FHOD3: variants seen among roughly 807,000 people sequenced by gnomAD.
The protein encoded by FHOD3 is formin homology 2 domain containing 3, also known as FH1/FH2 domain-containing protein 3.
In FHOD3, 90 loss-of-function variants were observed where a neutral mutation model predicts 173.0. The ratio of observed to expected loss-of-function variants is 0.52; its 90% CI spans 0.44 to 0.62. The LOEUF (loss-of-function observed/expected upper bound fraction) is 0.62, where lower values mean the gene tolerates loss of function less well. Ranked by LOEUF, FHOD3 falls within the 20% of genes least tolerant of loss-of-function variation. FHOD3 has a pLI of 0.00. For missense variants in FHOD3, 1,945 were observed against 2,034.7 expected, an observed-to-expected ratio of 0.96 and a Z score of 0.85; for synonymous variants, 828 against 823.0, an observed-to-expected ratio of 1.01 and a Z score of -0.10.
At position 36,464,438 on chromosome 18, in the gene FHOD3, G is replaced by A. The variant is rs578202037; in HGVS notation, c.338-37494G>A. Among the ~76,000 whole-genome samples, 236 of 152,258 alleles carry A rather than the reference G, an allele frequency of 1.5e-3. 2 individuals are homozygous for A. The highest frequency in any genetic ancestry group is 5.3e-3 in the African/African-American group (222 of 41,534). ...CTAAGGCTTGGTATGCTTTGTACTG[G>A]GTGATGCTGCCATACAGCTTGGACT... On this transcript the variant is annotated intron_variant, in intron 3 of 28. Coordinates refer to ENST00000590592, the MANE Select transcript of FHOD3 (RefSeq NM_001281740.3).
Position 36,649,406 on chromosome 18 carries a change from G to A in FHOD3, c.1286+1G>A. On this transcript the variant is annotated splice_donor_variant, in intron 11 of 28. Coordinates refer to ENST00000590592, the MANE Select transcript of FHOD3 (RefSeq NM_001281740.3). LOFTEE classifies it high-confidence loss of function. ...ATGCTTCCTGTCAGGGCAAGGACAG[G>A]TACCTAGGACTGGAGCCTCCCAAGC... 1.3e-6 allele frequency: 2 copies of A among 1,534,974 alleles called. No homozygotes were observed. Among genetic ancestry groups the A allele is most frequent in the Non-Finnish European group, 1.7e-6 (2 of 1,146,230 alleles).
chr18:36,399,411 T>G (rs1360181104), intron 3 of FHOD3, among the ~76,000 whole-genome samples: 3 of 152,246 alleles, frequency 2.0e-5, no homozygotes, highest in African/African-American at 7.2e-5. Context: ...AGTTTTCTGA[T>G]GTGGATTAAT....
In FHOD3 at chr18:36,318,402, T is replaced by C. The variant is rs1380589808; in HGVS notation, c.165+20402T>C. Among the ~76,000 whole-genome samples the C allele has an allele frequency of 1.1e-4, 16 of 152,354 alleles. No individual in the cohort carries two copies. The East Asian group carries it at 3.1e-3, about 29-fold the overall frequency. ...TTGTTTGTGTACTCTTTTATTTCAT[T>C]GAGCAGTGGTTTGTACTCCTCCTTG... On this transcript the variant is annotated intron_variant, in intron 1 of 28. Transcript: ENST00000590592.
intron 5 of FHOD3, among the ~76,000 whole-genome samples, chr18:36,527,221 G>A (rs1279628878): frequency 6.6e-6 from 1 of 152,174 alleles, no homozygotes; most frequent in Non-Finnish European, 1.5e-5. Flanking sequence ...TGCTGTTGTA[G>A]TACTGCTCTT....
intron 3 of FHOD3, among the ~76,000 whole-genome samples, chr18:36,394,883 A>G (rs938365371): frequency 6.6e-6 from 1 of 152,248 alleles, no homozygotes; most frequent in East Asian, 1.9e-4. Flanking sequence ...TGTTGTATAC[A>G]TGTATATTTA....
rs1301826578 is a variant in FHOD3 at position 36,414,427 on chromosome 18, T to A, written c.337+41683T>A. On this transcript the variant is annotated intron_variant, in intron 3 of 28. Transcript: ENST00000590592. ...GCATAAAGGACACGTAAGGGTGGAG[T>A]GTGCATTTCCATCCATTATTACATT... Among the ~76,000 whole-genome samples, 3 of 152,082 alleles carry A rather than the reference T, an allele frequency of 2.0e-5. No homozygotes were observed. In the East Asian group the frequency reaches 5.8e-4, roughly 29 times the overall value.
At position 36,561,721 on chromosome 18, in the gene FHOD3, C is replaced by T. The variant is rs1599664053; in HGVS notation, c.512-14730C>T. 2.6e-5 allele frequency among the ~76,000 whole-genome samples: 4 copies of T among 152,266 alleles called. No individual in the cohort carries two copies. The South Asian group carries it at 8.3e-4, about 32-fold the overall frequency. On this transcript the variant is annotated intron_variant, in intron 5 of 28. Transcript: ENST00000590592. ...CATTAGGAACTAGCTCCTCAATCTT[C>T]CTTACCCCCACTCCATCTTTTTTCT...
chr18:36,509,543 TAAG>T (rs2055515557), intron 4 of FHOD3, among the ~76,000 whole-genome samples: 1 of 152,220 alleles, frequency 6.6e-6, no homozygotes, highest in Non-Finnish European at 1.5e-5. Context: ...TGCATATTTT[TAAG>T]AAGAGTTCCT....
intron 6 of FHOD3, among the ~76,000 whole-genome samples, chr18:36,589,065 CTTTAT>C (rs1011563916): frequency 6.6e-6 from 1 of 152,120 alleles, no homozygotes; most frequent in Non-Finnish European, 1.5e-5. Flanking sequence ...GGCTTTTAGC[CTTTAT>C]TTTGAGAGTG....
chr18:36,694,892 T>G (rs561675591), intron 17 of FHOD3, among the ~76,000 whole-genome samples: 1 of 152,276 alleles, frequency 6.6e-6, no homozygotes, highest in South Asian at 2.1e-4. Flanking sequence ...GAATTACAGT[T>G]TAACTCGAGA....
Position 36,769,301 on chromosome 18 carries a change from C to T in FHOD3, c.4661C>T (p.Ser1554Leu), listed in dbSNP as rs187008252. The T allele has an allele frequency of 1.2e-5, 19 of 1,614,180 alleles. No individual in the cohort carries two copies. The highest frequency in any genetic ancestry group is 8.0e-5 in the African/African-American group (6 of 75,050). ...TSSWTMGTDD[S>L]PNVTDDAADE... ...TCCTGGACTATGGGAACTGATGACT[C>T]GCCCAATGTCACAGATGATGCAGCT... The change falls in exon 28 of 29, where the codon TCG becomes TTG. Residue 1554 changes from serine (S) to leucine (L), a missense_variant. Transcript: ENST00000590592.
intron 3 of FHOD3, among the ~76,000 whole-genome samples, chr18:36,493,517 G>C (rs1002800223): frequency 1.3e-5 from 2 of 152,254 alleles, no homozygotes; most frequent in South Asian, 2.1e-4. Flanking sequence ...CTTGGGTTGC[G>C]TGCTTCCTGG....
At chr18:36,746,172 G>A (rs902080499) in intron 23 of FHOD3, among the ~76,000 whole-genome samples, 2 of 152,032 alleles carry the variant, frequency 1.3e-5, no homozygotes, top group Non-Finnish European at 2.9e-5. Flanking sequence ...CTGTCTGCAC[G>A]TCCCTGAATA....
intron 4 of FHOD3, among the ~76,000 whole-genome samples, chr18:36,511,273 C>T (rs2055625401): frequency 6.6e-6 from 1 of 151,576 alleles, no homozygotes; most frequent in African/African-American, 2.4e-5. Flanking sequence ...TTGAGGAAAA[C>T]AATGGTGGAA....
chr18:36,455,020 G>C (rs992478306), intron 3 of FHOD3, among the ~76,000 whole-genome samples: 2 of 152,132 alleles, frequency 1.3e-5, no homozygotes, highest in East Asian at 1.9e-4. Flanking sequence ...GCTAATATGA[G>C]GTTGACTCTT....
rs377247586 is a variant in FHOD3, at chr18:36,346,770, T to C, written c.166-8769T>C. On this transcript the variant is annotated intron_variant, in intron 1 of 28. Coordinates refer to ENST00000590592, the MANE Select transcript of FHOD3 (RefSeq NM_001281740.3). Reference sequence around the variant, plus strand: ...TCCTGCACACATCTGCTCACAGCCATTCCATTTCATGGCTTCTTATTGCCC... The same window carrying C: ...TCCTGCACACATCTGCTCACAGCCACTCCATTTCATGGCTTCTTATTGCCC... 3.3e-5 allele frequency among the ~76,000 whole-genome samples: 5 copies of C among 152,334 alleles called. No homozygotes were observed. The East Asian group carries it at 5.8e-4, about 18-fold the overall frequency.
chr18:36,322,348 G>A (rs1253824709), intron 1 of FHOD3, among the ~76,000 whole-genome samples: 1 of 152,160 alleles, frequency 6.6e-6, no homozygotes, highest in African/African-American at 2.4e-5. Context: ...CTCTCGAGAG[G>A]GTTATGGGGG....
chr18:36,699,174 T>G (rs1328985515), intron 17 of FHOD3, among the ~76,000 whole-genome samples: 1 of 152,246 alleles, frequency 6.6e-6, no homozygotes, highest in Non-Finnish European at 1.5e-5. Flanking sequence ...GATAGTTGTT[T>G]CCTAATATTA....
At chr18:36,539,326 G>A (rs1177346986) in intron 5 of FHOD3, among the ~76,000 whole-genome samples, 2 of 152,206 alleles carry the variant, frequency 1.3e-5, no homozygotes, top group African/African-American at 4.8e-5. Context: ...AGATTTGCTA[G>A]GCAGGGCATG....
Sources: gnomAD v4.1 joint callset for allele counts (sites outside exome capture counted in the v4.1 genomes callset) on GRCh38, gnomAD v4.1.1 for gene constraint, MANE v1.5 for transcripts, NCBI Gene and HGNC (gene_info 2026-07-23, HGNC 2026-07-21) for gene names.